The following CDH13 variants were observed in gnomAD, a reference collection of about 807,000 sequenced individuals.
CDH13 encodes the protein cadherin-13.
CDH13 carries 24 observed loss-of-function variants against 63.8 expected under a neutral mutation model. The ratio of observed to expected loss-of-function variants is 0.38; its 90% CI spans 0.27 to 0.53. CDH13 has a LOEUF of 0.53. Ranked by LOEUF, CDH13 falls within the 20% of genes least tolerant of loss-of-function variation. CDH13 has a pLI of 0.85. For missense variants in CDH13, 1,049 were observed against 903.1 expected (o/e 1.16, Z -2.07); for synonymous variants, 503 against 355.3 (o/e 1.42, Z -4.67).
At chr16:83,429,535 C>T (rs1171174941) in intron 6 of CDH13, among the ~76,000 whole-genome samples, 2 of 151,864 alleles carry the variant, frequency 1.3e-5, no homozygotes, top group Non-Finnish European at 2.9e-5. Context: ...CACACACACA[C>T]TCACACAGCA....
chr16:83,779,482 A>G lies in CDH13; in HGVS notation c.1682-486A>G, dbSNP rs1307424215. 4.7e-5 allele frequency among the ~76,000 whole-genome samples: 7 copies of G among 147,886 alleles called. No individual in the cohort carries two copies. The South Asian group carries it at 6.4e-4, about 14-fold the overall frequency. The stretch of plus-strand genomic sequence containing the variant: ...GGCTTTGTAAACCACTAAACTTTAT[A>G]CCAAAAAAATCTATTATTGTTAGTC... On this transcript the variant is annotated intron_variant, in intron 11 of 13. Transcript: ENST00000567109.
chr16:83,057,458 G>A (rs1454812335), intron 3 of CDH13, among the ~76,000 whole-genome samples: 1 of 152,026 alleles, frequency 6.6e-6, no homozygotes, highest in Non-Finnish European at 1.5e-5. Flanking sequence ...CACTTTTGCA[G>A]TTTAATATAT....
At chr16:83,290,916 C>T (rs1290330464) in intron 5 of CDH13, among the ~76,000 whole-genome samples, 2 of 152,102 alleles carry the variant, frequency 1.3e-5, no homozygotes, top group Non-Finnish European at 2.9e-5. Flanking sequence ...AACATCTATA[C>T]ATTTCTCAAG....
At chr16:82,725,395 A>G (rs1239091761) in intron 1 of CDH13, among the ~76,000 whole-genome samples, 1 of 152,160 alleles carries the variant, frequency 6.6e-6, no homozygotes, top group South Asian at 2.1e-4. Context: ...CTGGAGCTGG[A>G]CTGTCTGGCT....
At chr16:83,509,371 C>G (rs1230398425) in intron 7 of CDH13, among the ~76,000 whole-genome samples, 4 of 152,210 alleles carry the variant, frequency 2.6e-5, no homozygotes, top group Admixed American at 2.0e-4. Flanking sequence ...AGATTTTACT[C>G]TCTGTAAAGG....
chr16:83,744,504 T>A (rs1912381756), intron 10 of CDH13, among the ~76,000 whole-genome samples: 1 of 152,238 alleles, frequency 6.6e-6, no homozygotes, highest in African/African-American at 2.4e-5. Context: ...AAGCCCTGCG[T>A]TCGCCTCATC....
At chr16:83,462,977 G>A (rs1190948264) in intron 6 of CDH13, among the ~76,000 whole-genome samples, 1 of 152,106 alleles carries the variant, frequency 6.6e-6, no homozygotes, top group African/African-American at 2.4e-5. Flanking sequence ...AGCTGAGACT[G>A]ATCACCCAAC....
intron 2 of CDH13, among the ~76,000 whole-genome samples, chr16:82,977,171 C>G (rs1332097580): frequency 1.3e-5 from 2 of 152,194 alleles, no homozygotes; most frequent in Admixed American, 1.3e-4. Context: ...TTGAATTGCC[C>G]TTGGCCCTGC....
intron 8 of CDH13, among the ~76,000 whole-genome samples, chr16:83,668,881 T>C (rs905175053): frequency 2.0e-5 from 3 of 152,242 alleles, no homozygotes; most frequent in African/African-American, 7.2e-5. Flanking sequence ...CACAGCATTC[T>C]TTCCTGCTGA....
chr16:83,269,560 G>C (rs1037810488), intron 5 of CDH13, among the ~76,000 whole-genome samples: 1 of 152,180 alleles, frequency 6.6e-6, no homozygotes, highest in Non-Finnish European at 1.5e-5. Context: ...TCAGAGAACA[G>C]ATTCCCACCC....
At chr16:82,728,911 C>G (rs545520412) in intron 1 of CDH13, among the ~76,000 whole-genome samples, 1 of 152,242 alleles carries the variant, frequency 6.6e-6, no homozygotes, top group South Asian at 2.1e-4. Flanking sequence ...CTTTTGTTGT[C>G]ATTTCAACAA....
At chr16:83,631,324 T>C (rs1321558510) in intron 8 of CDH13, among the ~76,000 whole-genome samples, 1 of 151,040 alleles carries the variant, frequency 6.6e-6, no homozygotes, top group African/African-American at 2.4e-5. Flanking sequence ...TTCTTGGGTT[T>C]GGGGCTTTAA....
chr16:83,329,001 C>G (rs746904664), intron 5 of CDH13, among the ~76,000 whole-genome samples: 1 of 152,128 alleles, frequency 6.6e-6, no homozygotes, highest in African/African-American at 2.4e-5. Context: ...ATTTCCCTAA[C>G]CAGGGATAGT....
rs569659866 is a variant in CDH13 at position 83,345,108 on chromosome 16, G to T, written c.781+102G>T. The T allele has an allele frequency of 3.2e-5, 43 of 1,326,044 alleles. No individual in the cohort carries two copies. The African/African-American group carries it at 4.4e-4, about 13-fold the overall frequency. The allele number at this position is 1,326,044 out of a possible 1,614,324, so 82.1% of individuals were successfully genotyped here. On this transcript the variant is annotated intron_variant, in intron 6 of 13. Transcript: ENST00000567109. ...GTCTTATGGCTGTTCCAACTTGTCA[G>T]CTCGTATCAGCGTCGACTTAATACT...
intron 2 of CDH13, chr16:82,858,675 T>C (rs1041152449): frequency 6.5e-6 from 4 of 614,186 alleles, no homozygotes; most frequent in African/African-American, 5.5e-5. Flanking sequence ...ATGCATCTCT[T>C]TTTAGTATTT....
intron 6 of CDH13, among the ~76,000 whole-genome samples, chr16:83,475,926 C>T (rs2073592168): frequency 6.6e-6 from 1 of 151,990 alleles, no homozygotes; most frequent in Non-Finnish European, 1.5e-5. Context: ...GCGCCTTTGC[C>T]CTTAAATAGA....
chr16:83,102,948 C>CTTTTTTTTTTTTTTTTTTTTTT (rs71148813), intron 3 of CDH13, among the ~76,000 whole-genome samples: 1 of 69,028 alleles, frequency 1.4e-5, no homozygotes, highest in African/African-American at 7.0e-5. Context: ...TTTTCTTTTT[C>CTTTTTTTTTTTTTTTTTTTTTT]TTTTTTTTTT....
At chr16:82,800,206 C>G (rs2036783905) in intron 1 of CDH13, among the ~76,000 whole-genome samples, 1 of 151,946 alleles carries the variant, frequency 6.6e-6, no homozygotes, top group Admixed American at 6.6e-5. Flanking sequence ...ATGACAAAGG[C>G]CATATTTTGA....
chr16:83,513,905 T>C (rs1266899567), intron 7 of CDH13, among the ~76,000 whole-genome samples: 2 of 152,080 alleles, frequency 1.3e-5, no homozygotes, highest in Admixed American at 6.5e-5. Context: ...TAGACAAAAA[T>C]TATAGAGAAT....
Sources: gnomAD v4.1 joint callset for allele counts (sites outside exome capture counted in the v4.1 genomes callset) on GRCh38, gnomAD v4.1.1 for gene constraint, MANE v1.5 for transcripts, NCBI Gene and HGNC (gene_info 2026-07-23, HGNC 2026-07-21) for gene names.